CCDC81: variants seen among roughly 807,000 people sequenced by gnomAD.
CCDC81 encodes the protein coiled-coil domain containing 81, also known as coiled-coil domain-containing protein 81.
Under a neutral mutation model 83.7 loss-of-function variants are expected in CCDC81, and 79 were observed. The observed-to-expected ratio is 0.94, with a 90% CI of 0.79 to 1.14. CCDC81 has a LOEUF of 1.14. Among genes scored for constraint, CCDC81 ranks in the 50% most tolerant of loss-of-function variants. CCDC81 has a pLI of 0.00. For synonymous variants in CCDC81, 252 were observed against 278.1 expected (o/e 0.91, Z 0.93); for missense variants, 791 against 778.1 (o/e 1.02, Z -0.20).
intron 3 of CCDC81, 130 bp from the exon 4 acceptor site, chr11:86,392,411 T>A: frequency 9.1e-7 from 1 of 1,094,466 alleles, no homozygotes; most frequent in African/African-American, 1.6e-5. Context: ...TGGGTACAAC[T>A]AAAAGCTTCA....
chr11:86,378,342 T>C (rs1164009594), intron 1 of CCDC81, among the ~76,000 whole-genome samples: 1 of 152,212 alleles, frequency 6.6e-6, no homozygotes, highest in Admixed American at 6.5e-5. Context: ...AGGCATTGTA[T>C]GATTTCTATC....
chr11:86,395,549 A>G (rs1018040323), intron 5 of CCDC81, 136 bp downstream of exon 5: 1 of 642,074 alleles, frequency 1.6e-6, no homozygotes, highest in Non-Finnish European at 2.8e-6. Flanking sequence ...CCCTCTCTAA[A>G]TCCACCAACA....
chr11:86,386,180 G>A (rs1948239462), intron 2 of CCDC81, 68 bp downstream of exon 2: 3 of 519,156 alleles, frequency 5.8e-6, no homozygotes, highest in Non-Finnish European at 8.7e-6. Context: ...GCATCTAAAG[G>A]ATCCTTCCTT....
chr11:86,417,971 T>C (rs535544188), intron 13 of CCDC81, among the ~76,000 whole-genome samples: 3 of 152,290 alleles, frequency 2.0e-5, no homozygotes, highest in South Asian at 2.1e-4. Flanking sequence ...TAAGAAGGCA[T>C]AGCAACTCGC....
chr11:86,388,161 C>A (rs540123961), intron 3 of CCDC81, among the ~76,000 whole-genome samples: 3 of 152,030 alleles, frequency 2.0e-5, no homozygotes, highest in African/African-American at 7.2e-5. Context: ...CTTTCGCATA[C>A]CCTAAAGCCA....
chr11:86,414,267 CTTGT>C (rs1160063507), intron 11 of CCDC81: 1 of 151,488 alleles, frequency 6.6e-6, no homozygotes, highest in African/African-American at 2.4e-5. Flanking sequence ...CCTGCCTATA[CTTGT>C]TTGTCCTGTG....
rs112346194 is a variant in CCDC81 at position 86,375,249 on chromosome 11, G to C, written c.79+7G>C. ...CCCTCGCTGAGCCAGGAGGGTAAGC[G>C]TGTTGGGTAGCAGGGGGTGGCCCTG... On this transcript the variant is annotated splice_region_variant and intron_variant, in intron 1 of 14. Transcript: ENST00000445632. The C allele has an allele frequency of 6.2e-7, 1 of 1,606,982 alleles. No individual in the cohort carries two copies. Among genetic ancestry groups the C allele is most frequent in the South Asian group, 1.1e-5 (1 of 91,034 alleles).
chr11:86,408,571 CA>C (rs1948594844), intron 9 of CCDC81, among the ~76,000 whole-genome samples: 13 of 152,224 alleles, frequency 8.5e-5, no homozygotes, highest in Admixed American at 7.2e-4. Context: ...TGGGCTCAAG[CA>C]TCCAGAGGCT....
chr11:86,377,968 C>CTTTGTTTTTTTTTT (rs1948120605), intron 1 of CCDC81, among the ~76,000 whole-genome samples: 1 of 73,348 alleles, frequency 1.4e-5, no homozygotes, highest in Non-Finnish European at 2.4e-5. Context: ...TGCCTAGGTT[C>CTTTGTTTTTTTTTT]TTTTTTTTTT....
At chr11:86,408,374 C>A in intron 9 of CCDC81, 104 bp downstream of exon 9, 1 of 1,154,710 alleles carries the variant, frequency 8.7e-7, no homozygotes, top group Non-Finnish European at 1.2e-6. Context: ...ACTCTGTCAC[C>A]CAGGTTGGAA....
At chr11:86,387,724 T>TA (rs1948264442) in intron 3 of CCDC81, 52 bp downstream of exon 3, 4 of 1,328,230 alleles carry the variant, frequency 3.0e-6, no homozygotes, top group East Asian at 4.6e-5. Context: ...GTCCTGGGGA[T>TA]AAAAAATGAA....
intron 7 of CCDC81, among the ~76,000 whole-genome samples, chr11:86,406,112 A>G (rs74969287): frequency 0.017 from 2,606 of 152,192 alleles, 67 homozygotes; most frequent in African/African-American, 0.06. Flanking sequence ...TCTTCTTGCT[A>G]AAGTATATCC....
chr11:86,376,481 G>A (rs560485383), intron 1 of CCDC81, among the ~76,000 whole-genome samples: 49 of 149,554 alleles, frequency 3.3e-4, no homozygotes, highest in African/African-American at 1.2e-3. Flanking sequence ...ATGACGGCAG[G>A]AGAGAGAGAG....
At chr11:86,376,418 G>T (rs1386100498) in intron 1 of CCDC81, among the ~76,000 whole-genome samples, 1 of 152,174 alleles carries the variant, frequency 6.6e-6, no homozygotes, top group African/African-American at 2.4e-5. Flanking sequence ...ATGGCTGGGG[G>T]AGCCCTCAGG....
chr11:86,393,382 C>T (rs1381183982), intron 4 of CCDC81, among the ~76,000 whole-genome samples: 4 of 152,072 alleles, frequency 2.6e-5, no homozygotes, highest in Admixed American at 1.3e-4. Context: ...AAAACTTCTT[C>T]CACATGTATT....
chr11:86,383,639 T>G (rs1423811842), intron 1 of CCDC81, among the ~76,000 whole-genome samples: 1 of 152,224 alleles, frequency 6.6e-6, no homozygotes, highest in African/African-American at 2.4e-5. Flanking sequence ...GAACCCTGGC[T>G]TCCCTTAAAA....
At chr11:86,405,475 C>A (rs1948552125) in intron 7 of CCDC81, among the ~76,000 whole-genome samples, 1 of 152,060 alleles carries the variant, frequency 6.6e-6, no homozygotes, top group Admixed American at 6.5e-5. Flanking sequence ...TATATTTGAA[C>A]CTATCTTTAC....
chr11:86,414,918 C>A, intron 12 of CCDC81, 51 bp downstream of exon 12: 1 of 1,481,146 alleles, frequency 6.8e-7, no homozygotes, highest in Non-Finnish European at 9.2e-7. Context: ...GCATCAATAA[C>A]ATCCTAAAAT....
chr11:86,416,789 T>C (rs1948725567), intron 13 of CCDC81, among the ~76,000 whole-genome samples: 1 of 152,218 alleles, frequency 6.6e-6, no homozygotes, highest in South Asian at 2.1e-4. Context: ...CATCTTAACA[T>C]GTGATCTCAG....
Sources: allele counts gnomAD v4.1 joint callset (sites outside exome capture counted in the v4.1 genomes callset), GRCh38; gene constraint gnomAD v4.1.1; transcripts MANE v1.5; gene names NCBI Gene and HGNC (gene_info 2026-07-23, HGNC 2026-07-21).